The following HERC2 variants were observed in gnomAD, a reference collection of about 807,000 sequenced individuals.
The protein encoded by HERC2 is HECT and RLD domain containing E3 ubiquitin protein ligase 2.
In HERC2, 102 loss-of-function variants were observed where a neutral mutation model predicts 537.7. The observed-to-expected ratio is 0.19, with a 90% confidence interval of 0.16 to 0.22. The LOEUF is 0.22. Among genes scored for constraint, HERC2 ranks in the 10% least tolerant of loss-of-function variants. The pLI is 1.00. For synonymous variants in HERC2, 2,224 were observed against 2,466.2 expected (o/e 0.90, Z 2.91); for missense variants, 4,236 against 6,198.2 (o/e 0.68, Z 10.63).
At chr15:28,320,039 T>C (rs2077189992) in intron 2 of HERC2, 3 of 151,882 alleles carry the variant, frequency 2.0e-5, no homozygotes, top group South Asian at 2.1e-4. Context: ...AAAGAGTAAC[T>C]ACACCAATTC....
intron 16 of HERC2, among the ~76,000 whole-genome samples, chr15:28,258,347 C>T (rs1257953469): frequency 6.6e-6 from 1 of 152,134 alleles, no homozygotes; most frequent in Admixed American, 6.5e-5. Flanking sequence ...TGGTGCATGC[C>T]GGTAGTCCCA....
intron 21 of HERC2, among the ~76,000 whole-genome samples, chr15:28,247,218 A>G (rs1211585056): frequency 1.3e-5 from 2 of 151,832 alleles, no homozygotes; most frequent in Non-Finnish European, 2.9e-5. Flanking sequence ...TTGGACTCGA[A>G]CCCCTGGGCT....
At chr15:28,279,610 C>T (rs535709120) in intron 5 of HERC2, among the ~76,000 whole-genome samples, 1 of 143,694 alleles carries the variant, frequency 7.0e-6, no homozygotes, top group Admixed American at 7.0e-5. Flanking sequence ...AGCAAGACCC[C>T]ATCTCCACAC....
rs545158197 is a variant in HERC2, at chr15:28,132,266, A to C, written c.12409-5T>G. On this transcript the variant is annotated splice_polypyrimidine_tract_variant and splice_region_variant and intron_variant, in intron 80 of 92. Coordinates refer to ENST00000261609, the MANE Select transcript of HERC2 (RefSeq NM_004667.6). ...GTGGCCCTGCAGCGCCTCCACCTTC[A>C]GAGAAAAGGGACTTGGGTTGGCCAA... is the stretch of plus-strand genomic sequence containing the variant. 3 of 1,603,374 alleles carry C rather than the reference A, an allele frequency of 1.9e-6. No homozygotes were observed. The highest frequency in any genetic ancestry group is 2.2e-5 in the South Asian group (2 of 90,310).
At chr15:28,276,525 A>C (rs1275356784) in intron 5 of HERC2, among the ~76,000 whole-genome samples, 1 of 152,158 alleles carries the variant, frequency 6.6e-6, no homozygotes, top group East Asian at 1.9e-4. Flanking sequence ...ACTTTAGGTC[A>C]GGAGTTTGAG....
Position 28,238,306 on chromosome 15 carries a change from C to T in HERC2, c.3749-89G>A, listed in dbSNP as rs1567055296. The T allele has an allele frequency of 3.9e-6, 4 of 1,028,668 alleles. No individual in the cohort carries two copies. The South Asian group carries it at 5.2e-5, about 13-fold the overall frequency. The allele number at this position is 1,028,668 out of a possible 1,614,324, so 63.7% of individuals were successfully genotyped here. A position where few individuals can be genotyped will look rare whatever the true frequency, so the allele number is the denominator to read the frequency against. On this transcript the variant is annotated intron_variant, in intron 24 of 92. Coordinates refer to ENST00000261609, the MANE Select transcript of HERC2 (RefSeq NM_004667.6). ...AACAGTGAATAGGAAATAAGTTAGG[C>T]GCTTAACTCAAAAGTGAGGGTTACC...
chr15:28,114,722 C>T lies in HERC2; in HGVS notation c.13803G>A (p.Leu4601=), dbSNP rs1888028820. The T allele has an allele frequency of 6.2e-7, 1 of 1,614,000 alleles. No individual in the cohort carries two copies. The highest frequency in any genetic ancestry group is 1.3e-5 in the African/African-American group (1 of 74,910). Residue 4601 remains leucine, a synonymous_variant, in exon 90 of 93, where the codon CTG becomes CTA. Transcript: ENST00000261609. The part of the protein sequence containing the change: ...ATSEEFEAMS[L]PFTVPSASGQ... ...CACTGGCACTTGGCACTGTGAAGGG[C>T]AGGCTCATGGCTTCAAACTCCTCTG...
At chr15:28,181,905 C>T (rs1566979129) in intron 57 of HERC2, among the ~76,000 whole-genome samples, 1 of 152,208 alleles carries the variant, frequency 6.6e-6, no homozygotes, top group Non-Finnish European at 1.5e-5. Flanking sequence ...ACAAGCCCTG[C>T]AGAGAATAAG....
intron 23 of HERC2, among the ~76,000 whole-genome samples, chr15:28,239,690 C>G (rs1298670740): frequency 2.7e-5 from 4 of 146,258 alleles, no homozygotes; most frequent in South Asian, 2.4e-4. Flanking sequence ...AATTCAAATC[C>G]AACCAAACCT....
chr15:28,167,968 T>G (rs192062862), intron 67 of HERC2, 141 bp from the exon 68 acceptor site: 1 of 931,050 alleles, frequency 1.1e-6, no homozygotes, highest in African/African-American at 1.7e-5. Flanking sequence ...GGTAACATGG[T>G]GCCCACCAGA....
At chr15:28,263,282 C>T in intron 14 of HERC2, 113 bp from the exon 15 acceptor site, 2 of 1,151,092 alleles carry the variant, frequency 1.7e-6, no homozygotes, top group South Asian at 1.6e-5. Flanking sequence ...CACTCAGGTA[C>T]ATAGTTAACA....
chr15:28,173,791 C>CAA (rs756958450), intron 65 of HERC2, among the ~76,000 whole-genome samples: 11,005 of 70,684 alleles, frequency 0.16, 793 homozygotes, highest in East Asian at 0.5. Context: ...ACCCTGTCTA[C>CAA]AAAAAAAAAA....
chr15:28,220,269 C>T (rs868512653), intron 37 of HERC2, among the ~76,000 whole-genome samples, 183 bp downstream of exon 37: 20 of 152,216 alleles, frequency 1.3e-4, no homozygotes, highest in African/African-American at 3.4e-4. Context: ...GATCCCACAG[C>T]CACTCCACAC....
intron 59 of HERC2, among the ~76,000 whole-genome samples, chr15:28,178,117 C>T (rs182751447): frequency 6.6e-6 from 1 of 152,042 alleles, no homozygotes; most frequent in African/African-American, 2.4e-5. Flanking sequence ...TCTCCCCCTT[C>T]CTTACCAACA....
intron 43 of HERC2, 78 bp downstream of exon 43, chr15:28,212,367 T>G (rs1160898798): frequency 1.1e-6 from 1 of 896,790 alleles, no homozygotes; most frequent in Non-Finnish European, 1.8e-6. Context: ...GTCCGTGAAT[T>G]CACTCATAAA....
rs2346101 is a variant in HERC2, at chr15:28,236,263, A to T, written c.4003+700T>A. Among the ~76,000 whole-genome samples the T allele has an allele frequency of 4.2e-4, 63 of 151,678 alleles. No individual in the cohort carries two copies. In the East Asian group the frequency reaches 8.6e-3, roughly 21 times the overall value. Reference sequence around the variant, plus strand: ...ATTGAGTCTCACTATCCTTATTATTATTATTTTTATCATCATCAGCTGTGT... The same window carrying T: ...ATTGAGTCTCACTATCCTTATTATTTTTATTTTTATCATCATCAGCTGTGT... On this transcript the variant is annotated intron_variant, in intron 26 of 92. Transcript: ENST00000261609.
chr15:28,321,154 G>GC lies in HERC2; in HGVS notation c.72+207dup, dbSNP rs528569835. On this transcript the variant is annotated intron_variant, in intron 2 of 92. Transcript: ENST00000261609. ...AATAGATCTCAAGTTTCGTGCACTT[G>GC]CAAGAAACTAATTAAAAGGCAGCCG... Among the ~76,000 whole-genome samples the GC allele has an allele frequency of 3.1e-3, 467 of 152,256 alleles. 1 individual carries two copies. Among genetic ancestry groups the GC allele is most frequent in the Non-Finnish European group, 4.2e-3 (283 of 68,034 alleles).
intron 81 of HERC2, among the ~76,000 whole-genome samples, chr15:28,131,276 T>C (rs1020801755): frequency 4.6e-5 from 7 of 152,096 alleles, no homozygotes; most frequent in African/African-American, 1.4e-4. Context: ...GCCTTGGAAG[T>C]GCAAACCCCA....
chr15:28,139,412 A>T (rs1890966252), intron 78 of HERC2, among the ~76,000 whole-genome samples: 1 of 152,144 alleles, frequency 6.6e-6, no homozygotes, highest in Admixed American at 6.5e-5. Context: ...GAGTGAGGGG[A>T]GGCTCTGCCA....
Sources: gnomAD v4.1 joint callset for allele counts (sites outside exome capture counted in the v4.1 genomes callset) on GRCh38, gnomAD v4.1.1 for gene constraint, MANE v1.5 for transcripts, NCBI Gene and HGNC (gene_info 2026-07-23, HGNC 2026-07-21) for gene names.